Variants in TIAM1 observed in about 807,000 individuals in gnomAD.
The protein encoded by TIAM1 is TIAM Rac1 associated GEF 1, also known as rho guanine nucleotide exchange factor TIAM1.
A neutral mutation model predicts 163.5 loss-of-function variants in TIAM1; 65 were observed. The ratio of observed to expected loss-of-function variants is 0.40; its 90% CI spans 0.33 to 0.49. TIAM1 has a LOEUF of 0.49. Among genes scored for constraint, TIAM1 ranks in the 20% least tolerant of loss-of-function variants. The probability of loss-of-function intolerance (pLI) is 0.77; values close to 1 mark genes in which losing one functional copy is unlikely to be tolerated. For synonymous variants in TIAM1, 833 were observed against 810.1 expected, an observed-to-expected ratio of 1.03 and a Z score of -0.48; for missense variants, 1,789 against 2,044.7, an observed-to-expected ratio of 0.87 and a Z score of 2.41.
intron 15 of TIAM1, among the ~76,000 whole-genome samples, chr21:31,168,397 C>A (rs1218354264): frequency 1.3e-5 from 2 of 151,378 alleles, no homozygotes; most frequent in African/African-American, 4.9e-5. Flanking sequence ...CAGCCTGTTC[C>A]CTGAGATTCT....
intron 27 of TIAM1, chr21:31,124,201 G>A (rs1451144455): frequency 3.9e-6 from 1 of 254,526 alleles, no homozygotes; most frequent in African/African-American, 2.2e-5. Flanking sequence ...CTGCAAGCAG[G>A]CTGAGACAGC....
intron 1 of TIAM1, among the ~76,000 whole-genome samples, chr21:31,497,369 G>A (rs1402692897): frequency 6.6e-6 from 1 of 152,178 alleles, no homozygotes; most frequent in Non-Finnish European, 1.5e-5. Context: ...GAGTAAGGAA[G>A]CGTTATACTG....
At chr21:31,183,187 A>G (rs1398186971) in intron 14 of TIAM1, among the ~76,000 whole-genome samples, 1 of 152,208 alleles carries the variant, frequency 6.6e-6, no homozygotes, top group African/African-American at 2.4e-5. Context: ...CAAGAACCCA[A>G]TGCAATCATT....
intron 2 of TIAM1, among the ~76,000 whole-genome samples, chr21:31,377,707 A>G (rs2076711303): frequency 6.6e-6 from 1 of 152,014 alleles, no homozygotes; most frequent in Non-Finnish European, 1.5e-5. Flanking sequence ...CTAGGCTACT[A>G]AGGGTATTTA....
intron 22 of TIAM1, among the ~76,000 whole-genome samples, chr21:31,137,727 A>G (rs2082679798): frequency 1.3e-5 from 2 of 151,596 alleles, no homozygotes; most frequent in Admixed American, 1.3e-4. Context: ...CATGTGACTT[A>G]GAGCCCACCT....
chr21:31,378,928 A>G (rs1196705844), intron 2 of TIAM1, among the ~76,000 whole-genome samples: 3 of 152,170 alleles, frequency 2.0e-5, no homozygotes, highest in Non-Finnish European at 4.4e-5. Context: ...ATATTGGAGA[A>G]TGTGCATAGG....
At chr21:31,549,946 A>G (rs1174362151) in intron 1 of TIAM1, among the ~76,000 whole-genome samples, 3 of 152,092 alleles carry the variant, frequency 2.0e-5, no homozygotes, top group Admixed American at 6.5e-5. Flanking sequence ...CAACATGGTG[A>G]AACTCTGTCT....
chr21:31,483,788 C>G (rs2046188314), intron 1 of TIAM1, among the ~76,000 whole-genome samples: 1 of 152,052 alleles, frequency 6.6e-6, no homozygotes, highest in Non-Finnish European at 1.5e-5. Context: ...TTGTCCCCAT[C>G]TGGTGGGAAA....
At position 31,429,520 on chromosome 21, in the gene TIAM1, T is replaced by C. The variant is rs1217264139; in HGVS notation, c.-369+34463A>G. 2.6e-5 allele frequency among the ~76,000 whole-genome samples: 4 copies of C among 151,686 alleles called. No homozygotes were observed. In the East Asian group the frequency reaches 7.7e-4, roughly 29 times the overall value. ...AATACACCCCGGGGAGGCGGAGGGG[T>C]GTGCCCTGCCACTGTAGCTAAGTGG... On this transcript the variant is annotated intron_variant, in intron 2 of 28. Coordinates refer to the TIAM1 transcript ENST00000286827.
chr21:31,305,695 T>A (rs1047901600), intron 2 of TIAM1, among the ~76,000 whole-genome samples: 5 of 152,176 alleles, frequency 3.3e-5, no homozygotes, highest in African/African-American at 1.2e-4. Flanking sequence ...ATAATTTGTA[T>A]GAGAATTTGC....
At chr21:31,208,898 G>A (rs78779366) in intron 11 of TIAM1, among the ~76,000 whole-genome samples, 5,785 of 152,092 alleles carry the variant, frequency 0.038, 306 homozygotes, top group African/African-American at 0.12. Context: ...TCTTTAAAAC[G>A]TCATTTCATC....
At chr21:31,432,548 T>C (rs1161685204) in intron 2 of TIAM1, among the ~76,000 whole-genome samples, 1 of 152,030 alleles carries the variant, frequency 6.6e-6, no homozygotes, top group Non-Finnish European at 1.5e-5. Flanking sequence ...CCAGACACAC[T>C]CTCCGGCCAG....
At position 31,147,007 on chromosome 21, in the gene TIAM1, G is replaced by A. The variant is rs1447245520; in HGVS notation, c.3367-4C>T. ...CCCCCAGAGAGAACAGCACTTTCTG[G>A]ATTTGACGAGAAAAGGCACAGTTGG... On this transcript the variant is annotated splice_region_variant and splice_polypyrimidine_tract_variant and intron_variant, in intron 19 of 27. Coordinates refer to ENST00000541036, the MANE Select transcript of TIAM1 (RefSeq NM_001353694.2). The A allele has an allele frequency of 6.2e-7, 1 of 1,612,124 alleles. No individual in the cohort carries two copies. Among genetic ancestry groups the A allele is most frequent in the East Asian group, 2.2e-5 (1 of 44,852 alleles).
At chr21:31,284,461 A>G (rs2073710189) in intron 2 of TIAM1, among the ~76,000 whole-genome samples, 1 of 152,170 alleles carries the variant, frequency 6.6e-6, no homozygotes, top group African/African-American at 2.4e-5. Flanking sequence ...GGGGGGGTGG[A>G]GGGTAAACAG....
intron 2 of TIAM1, among the ~76,000 whole-genome samples, chr21:31,321,914 A>G (rs565995725): frequency 6.6e-6 from 1 of 152,014 alleles, no homozygotes; most frequent in Non-Finnish European, 1.5e-5. Context: ...TTAGCCAGGT[A>G]CGGTGGTGGG....
rs541464932 is a variant in TIAM1, at chr21:31,164,891, T to C, written c.2991+71A>G. ...GAGGCCTGGTAACCACATACAGCTG[T>C]GTAGGTGACATTGTCAGCTGTGATT... On this transcript the variant is annotated intron_variant, in intron 16 of 27. Coordinates refer to ENST00000541036, the MANE Select transcript of TIAM1 (RefSeq NM_001353694.2). The C allele has an allele frequency of 2.4e-4, 349 of 1,475,084 alleles. 6 individuals are homozygous for C. In the South Asian group the frequency reaches 3.8e-3, roughly 16 times the overall value. 91.4% of individuals were successfully genotyped at this position (1,475,084 alleles called of 1,614,324 possible).
At chr21:31,342,324 A>G (rs2076044257) in intron 1 of TIAM1, among the ~76,000 whole-genome samples, 1 of 152,228 alleles carries the variant, frequency 6.6e-6, no homozygotes, top group East Asian at 1.9e-4. Flanking sequence ...ATAACCAACC[A>G]GAGACAAACC....
chr21:31,130,777 G>A (rs550089947), intron 24 of TIAM1, 113 bp downstream of exon 24: 9 of 1,009,098 alleles, frequency 8.9e-6, no homozygotes, highest in African/African-American at 1.6e-5. Flanking sequence ...GCTTAAGAAA[G>A]AAAAAAGATC....
intron 2 of TIAM1, among the ~76,000 whole-genome samples, chr21:31,306,613 G>A (rs1175603214): frequency 6.6e-6 from 1 of 152,168 alleles, no homozygotes; most frequent in Admixed American, 6.5e-5. Flanking sequence ...CGTGGCCTGT[G>A]ATGTGTCTGC....
Sources: allele counts gnomAD v4.1 joint callset (sites outside exome capture counted in the v4.1 genomes callset), GRCh38; gene constraint gnomAD v4.1.1; transcripts MANE v1.5; gene names NCBI Gene and HGNC (gene_info 2026-07-23, HGNC 2026-07-21).